The following FAM184A variants were observed in gnomAD, a reference collection of about 807,000 sequenced individuals.
The protein encoded by FAM184A is family with sequence similarity 184 member A.
FAM184A carries 99 observed loss-of-function variants against 143.8 expected under a neutral mutation model. The ratio of observed to expected loss-of-function variants is 0.69; its 90% CI spans 0.58 to 0.81. The LOEUF is 0.81. Ranked by LOEUF, FAM184A falls within the 40% of genes least tolerant of loss-of-function variation. FAM184A has a pLI of 0.00. For missense variants in FAM184A, 1,217 were observed against 1,310.5 expected, an observed-to-expected ratio of 0.93 and a Z score of 1.10; for synonymous variants, 427 against 446.4, an observed-to-expected ratio of 0.96 and a Z score of 0.55.
chr6:119,002,862 G>A, intron 9 of FAM184A, 37 bp downstream of exon 9: 1 of 1,516,650 alleles, frequency 6.6e-7, no homozygotes. Context: ...GAATGTCAAG[G>A]GAGATGAAAC....
intron 6 of FAM184A, among the ~76,000 whole-genome samples, chr6:119,008,549 T>A (rs1784996588): frequency 6.6e-6 from 1 of 152,214 alleles, no homozygotes; most frequent in Non-Finnish European, 1.5e-5. Context: ...GATGCTAACA[T>A]TATCCTTGGA....
At chr6:118,994,145 A>G (rs776570114) in intron 9 of FAM184A, among the ~76,000 whole-genome samples, 1 of 152,134 alleles carries the variant, frequency 6.6e-6, no homozygotes, top group African/African-American at 2.4e-5. Context: ...CACAGTTGCA[A>G]TTTAACACCC....
intron 1 of FAM184A, among the ~76,000 whole-genome samples, chr6:119,032,648 AG>A (rs1785934200): frequency 6.8e-6 from 1 of 147,004 alleles, no homozygotes; most frequent in Admixed American, 6.9e-5. Context: ...GGAGGAAAAG[AG>A]GAAGGGAGGG....
At chr6:118,994,644 C>T (rs1043258924) in intron 9 of FAM184A, among the ~76,000 whole-genome samples, 1 of 151,340 alleles carries the variant, frequency 6.6e-6, no homozygotes, top group Non-Finnish European at 1.5e-5. Flanking sequence ...CGAGATTGCA[C>T]CACTGCACTC....
At chr6:118,987,816 A>G (rs1163107129) in intron 9 of FAM184A, among the ~76,000 whole-genome samples, 1 of 152,234 alleles carries the variant, frequency 6.6e-6, no homozygotes, top group African/African-American at 2.4e-5. Context: ...AAACATAAAA[A>G]TAATGAAATT....
intron 1 of FAM184A, among the ~76,000 whole-genome samples, chr6:119,039,951 C>T (rs1227128044): frequency 2.6e-5 from 4 of 152,174 alleles, no homozygotes; most frequent in Non-Finnish European, 5.9e-5. Context: ...TGTATAACTC[C>T]CTAAACACAC....
At chr6:118,972,014 AT>A (rs1157461124) in intron 14 of FAM184A, among the ~76,000 whole-genome samples, 2 of 152,342 alleles carry the variant, frequency 1.3e-5, no homozygotes, top group Non-Finnish European at 2.9e-5. Context: ...GGTGCAGCTG[AT>A]TAGGAACTTC....
At chr6:119,011,656 C>T (rs1195529039) in intron 5 of FAM184A, among the ~76,000 whole-genome samples, 1 of 152,104 alleles carries the variant, frequency 6.6e-6, no homozygotes, top group Non-Finnish European at 1.5e-5. Context: ...ATGGTGAGAA[C>T]ATGTGACTGG....
At chr6:119,061,531 CTTTTTTTTTTT>C (rs977029986) in intron 1 of FAM184A, among the ~76,000 whole-genome samples, 4 of 58,530 alleles carry the variant, frequency 6.8e-5, no homozygotes, top group East Asian at 5.2e-4. Context: ...AATTATTTTT[CTTTTTTTTTTT>C]TTTTTTTTTT....
intron 11 of FAM184A, among the ~76,000 whole-genome samples, chr6:118,978,598 G>A (rs1230797764): frequency 1.3e-5 from 2 of 152,076 alleles, no homozygotes; most frequent in African/African-American, 2.4e-5. Flanking sequence ...TTAACGACTT[G>A]GTCTGGGACT....
chr6:119,098,456 C>T (rs1438187272), intron 1 of FAM184A, among the ~76,000 whole-genome samples: 2 of 152,190 alleles, frequency 1.3e-5, no homozygotes, highest in Non-Finnish European at 2.9e-5. Context: ...ACAAGCAAGA[C>T]TTTTTAAAGG....
intron 9 of FAM184A, among the ~76,000 whole-genome samples, chr6:118,991,635 A>G (rs1319925830): frequency 2.6e-5 from 4 of 151,450 alleles, no homozygotes; most frequent in Non-Finnish European, 5.9e-5. Flanking sequence ...AGGGACAGTT[A>G]GCTGAAATGA....
intron 1 of FAM184A, among the ~76,000 whole-genome samples, chr6:119,042,088 C>G (rs1786358012): frequency 2.0e-5 from 3 of 152,166 alleles, no homozygotes; most frequent in Admixed American, 6.5e-5. Context: ...GAACCCAGAA[C>G]TGACGGTACA....
intron 1 of FAM184A, among the ~76,000 whole-genome samples, chr6:119,106,629 G>C (rs1032568551): frequency 3.3e-5 from 5 of 152,104 alleles, no homozygotes; most frequent in Non-Finnish European, 5.9e-5. Context: ...CTACTTAATT[G>C]GTTGGCTCTA....
intron 1 of FAM184A, among the ~76,000 whole-genome samples, chr6:119,100,967 C>CA (rs1456883685): frequency 1.3e-5 from 2 of 148,618 alleles, no homozygotes; most frequent in Admixed American, 6.7e-5. Context: ...AGAAAAACCC[C>CA]AAAAAACAAA....
intron 1 of FAM184A, among the ~76,000 whole-genome samples, chr6:119,073,444 C>T (rs148915287): frequency 2.0e-4 from 30 of 152,240 alleles, no homozygotes; most frequent in Admixed American, 6.5e-4. Flanking sequence ...GAACCAGAGA[C>T]GATAGAAATG....
upstream of FAM184A, among the ~76,000 whole-genome samples, chr6:119,083,279 G>A (rs76745922): frequency 0.023 from 3,448 of 152,318 alleles, 44 homozygotes; most frequent in Middle Eastern, 0.051. Flanking sequence ...TCTCTGAAAT[G>A]CTCTGTAGAT....
intron 9 of FAM184A, among the ~76,000 whole-genome samples, chr6:118,990,236 A>G (rs925342423): frequency 1.3e-5 from 2 of 152,246 alleles, no homozygotes; most frequent in African/African-American, 4.8e-5. Flanking sequence ...GTGTCATCAG[A>G]CAAAATATGT....
At chr6:118,991,719 A>C (rs1352772544) in intron 9 of FAM184A, among the ~76,000 whole-genome samples, 1 of 146,666 alleles carries the variant, frequency 6.8e-6, no homozygotes, top group Non-Finnish European at 1.5e-5. Flanking sequence ...ACGGAATAAC[A>C]GCCTGGATTC....
Sources: allele counts gnomAD v4.1 joint callset (sites outside exome capture counted in the v4.1 genomes callset), GRCh38; gene constraint gnomAD v4.1.1; transcripts MANE v1.5; gene names NCBI Gene and HGNC (gene_info 2026-07-23, HGNC 2026-07-21).